Variants in AGO2 observed in about 807,000 individuals in gnomAD.
AGO2 encodes the protein protein argonaute-2.
Under a neutral mutation model 102.3 loss-of-function variants are expected in AGO2, and 5 were observed. That is an observed-to-expected ratio of 0.05 (90% CI 0.03 to 0.10). The LOEUF (loss-of-function observed/expected upper bound fraction) is 0.10, where lower values mean the gene tolerates loss of function less well. AGO2 is among the 10% of genes least tolerant of loss of function. The pLI, the probability that AGO2 is intolerant of heterozygous loss-of-function variation, is 1.00. For synonymous variants in AGO2, 449 were observed against 473.1 expected (o/e 0.95, Z 0.66); for missense variants, 541 against 1,183.7 (o/e 0.46, Z 7.97).
intron 1 of AGO2, among the ~76,000 whole-genome samples, chr8:140,621,637 T>C (rs922970996): frequency 6.6e-6 from 1 of 152,226 alleles, no homozygotes; most frequent in Admixed American, 6.5e-5. Flanking sequence ...CCAAGTATGC[T>C]GTACACTCTG....
intron 4 of AGO2, among the ~76,000 whole-genome samples, chr8:140,561,946 G>A (rs893153236): frequency 4.6e-5 from 7 of 152,176 alleles, no homozygotes; most frequent in Non-Finnish European, 1.0e-4. Flanking sequence ...CCCAGCAACC[G>A]GGCAGCTTGT....
chr8:140,537,331 T>C (rs1477495965), intron 16 of AGO2, among the ~76,000 whole-genome samples: 1 of 151,920 alleles, frequency 6.6e-6, no homozygotes, highest in Non-Finnish European at 1.5e-5. Flanking sequence ...CTTTTCTTTT[T>C]TTTTTTTTAA....
At position 140,526,078 on chromosome 8, in the gene AGO2, T is replaced by C. The variant is rs1049267969; in HGVS notation, c.*5966A>G. 1.3e-5 allele frequency: 2 copies of C among 152,064 alleles called. No individual in the cohort carries two copies. Among genetic ancestry groups the C allele is most frequent in the African/African-American group, 4.8e-5 (2 of 41,392 alleles). The allele number at this position is 152,064 out of a possible 1,614,324, so 9.4% of individuals were successfully genotyped here. ...AGTAGGGAGTGAGAGTAACCCGAGGTCCCAAAGTCAAAGGCCAATTACGTC... is the reference window on the plus strand; with the variant it reads ...AGTAGGGAGTGAGAGTAACCCGAGGCCCCAAAGTCAAAGGCCAATTACGTC... On this transcript the variant is annotated 3_prime_UTR_variant, in exon 19 of 19. Transcript: ENST00000220592. This position sits in a 1 kb window ranked among gnomAD's most constrained non-coding sequence, Gnocchi z 5.2.
In AGO2 at chr8:140,528,813, C is replaced by T. The variant is rs557505893; in HGVS notation, c.*3231G>A. The T allele has an allele frequency of 6.6e-6, 1 of 152,290 alleles. No individual in the cohort carries two copies. The highest frequency in any genetic ancestry group is 6.5e-5 in the Admixed American group (1 of 15,310). The allele number at this position is 152,290 out of a possible 1,614,324, so 9.4% of individuals were successfully genotyped here. On this transcript the variant is annotated 3_prime_UTR_variant, in exon 19 of 19. Transcript: ENST00000220592. This position sits in a 1 kb window ranked among gnomAD's most constrained non-coding sequence, Gnocchi z 4.5. Reference sequence around the variant, plus strand: ...GCTTAGGACACACAAAACAACAGGACGGTGGCTTTGCGTCACCGAAGGGCT... The same window carrying T: ...GCTTAGGACACACAAAACAACAGGATGGTGGCTTTGCGTCACCGAAGGGCT...
At chr8:140,596,514 C>T (rs940011986) in intron 1 of AGO2, among the ~76,000 whole-genome samples, 2 of 152,194 alleles carry the variant, frequency 1.3e-5, no homozygotes, top group African/African-American at 4.8e-5. Flanking sequence ...ACCCTGGAGG[C>T]GGAGGTTGCA....
In AGO2 at chr8:140,577,240, G is replaced by A. The variant is rs888099483; in HGVS notation, c.216-4308C>T. ...AAAAAAAAAAAAAAGAAACATGCCT[G>A]GGGAACGAAGCCAGCCACCAGGAGG... On this transcript the variant is annotated intron_variant, in intron 2 of 18. Coordinates refer to ENST00000220592, the MANE Select transcript of AGO2 (RefSeq NM_012154.5). Among the ~76,000 whole-genome samples, 6 of 147,680 alleles carry A rather than the reference G, an allele frequency of 4.1e-5. 1 individual carries two copies. The East Asian group carries it at 1.2e-3, about 29-fold the overall frequency.
In AGO2 at chr8:140,624,548, C is replaced by T. The variant is rs551506497; in HGVS notation, c.22+10937G>A. On this transcript the variant is annotated intron_variant, in intron 1 of 18. Coordinates refer to ENST00000220592, the MANE Select transcript of AGO2 (RefSeq NM_012154.5). ...ACCCAGGAGATGCAGCTGCGGGAGA[C>T]GGCAGCACTGAGCAGCCAGCGTCCC... Among the ~76,000 whole-genome samples the T allele has an allele frequency of 2.9e-3, 440 of 152,344 alleles. 5 individuals are homozygous for T. The highest frequency in any genetic ancestry group is 2.5e-3 in the Non-Finnish European group (169 of 68,026).
chr8:140,584,395 G>A (rs796087354), intron 2 of AGO2, among the ~76,000 whole-genome samples: 4 of 152,154 alleles, frequency 2.6e-5, no homozygotes, highest in East Asian at 1.9e-4. Context: ...GGAGGAAAAC[G>A]TGATGGGAGC....
chr8:140,630,270 G>A (rs900824955), intron 1 of AGO2, among the ~76,000 whole-genome samples: 3 of 152,174 alleles, frequency 2.0e-5, no homozygotes, highest in Non-Finnish European at 2.9e-5. Context: ...TGCTTTGCAC[G>A]GACAGTTCTT....
rs4058201 is a variant in AGO2 at position 140,568,287 on chromosome 8, G to GAA, written c.336+4523_336+4524dup. On this transcript the variant is annotated intron_variant, in intron 3 of 18. Coordinates refer to ENST00000220592, the MANE Select transcript of AGO2 (RefSeq NM_012154.5). Reference sequence around the variant, plus strand: ...TGACAGAGCGAGACCATGTCTGGGGGAAAAAAAAAAAAAGAGAGAGCACAA... The same window carrying GAA: ...TGACAGAGCGAGACCATGTCTGGGGGAAAAAAAAAAAAAAAGAGAGAGCACAA... Among the ~76,000 whole-genome samples the GAA allele has an allele frequency of 8.5e-4, 112 of 132,062 alleles. 1 individual carries two copies. Among genetic ancestry groups the GAA allele is most frequent in the Middle Eastern group, 3.9e-3 (1 of 256 alleles). The allele number at this position is 132,062 out of a possible 152,430, so 86.6% of individuals were successfully genotyped here.
At chr8:140,623,789 C>T (rs1466319646) in intron 1 of AGO2, among the ~76,000 whole-genome samples, 1 of 152,136 alleles carries the variant, frequency 6.6e-6, no homozygotes, top group Non-Finnish European at 1.5e-5. Context: ...TGCCACCGAG[C>T]CACAAACCAC....
chr8:140,590,289 C>G (rs1358547587), intron 1 of AGO2, among the ~76,000 whole-genome samples: 3 of 152,196 alleles, frequency 2.0e-5, no homozygotes, highest in Admixed American at 2.0e-4. Context: ...CTGGAGCCCC[C>G]CAGATCTGTG....
chr8:140,552,094 C>T (rs1309656555), intron 10 of AGO2, among the ~76,000 whole-genome samples: 1 of 152,164 alleles, frequency 6.6e-6, no homozygotes, highest in Non-Finnish European at 1.5e-5. Flanking sequence ...TGCCATGCTA[C>T]AGGCCTTGCC....
In AGO2 at chr8:140,547,676, G is replaced by A. The variant is rs762312244; in HGVS notation, c.1589-49C>T. On this transcript the variant is annotated intron_variant, in intron 12 of 18. Coordinates refer to ENST00000220592, the MANE Select transcript of AGO2 (RefSeq NM_012154.5). ...CAGCTCTGCCGGCGCCCCTTCCTCA[G>A]CTGGCCCCGAGAGCAGCAGCTGCCA... 8 of 1,569,436 alleles carry A rather than the reference G, an allele frequency of 5.1e-6. No individual in the cohort carries two copies. In the South Asian group the frequency reaches 7.0e-5, roughly 14 times the overall value.
chr8:140,564,213 C>T (rs2073245274), intron 3 of AGO2, among the ~76,000 whole-genome samples: 1 of 152,044 alleles, frequency 6.6e-6, no homozygotes, highest in Admixed American at 6.6e-5. Flanking sequence ...GAGCCATACG[C>T]ACAGGGGATG....
chr8:140,548,972 ACC>A, intron 12 of AGO2, 140 bp downstream of exon 12: 1 of 1,034,898 alleles, frequency 9.7e-7, no homozygotes, highest in Non-Finnish European at 1.4e-6. Context: ...ATGACAAGCC[ACC>A]TCTTCTTCCT....
In AGO2 at chr8:140,532,493, G is replaced by A; in HGVS notation, c.2394C>T (p.Ser798=). The A allele has an allele frequency of 1.2e-6, 2 of 1,614,282 alleles. No homozygotes were observed. Among genetic ancestry groups the A allele is most frequent in the South Asian group, 1.1e-5 (1 of 91,088 alleles). Residue 798 remains serine, a synonymous_variant, in exon 18 of 19, where the codon TCC becomes TCT. Transcript: ENST00000220592. The part of the protein sequence containing the change: ...HTYVRCTRSV[S]IPAPAYYAHL... ...GAGCGTAGTATGCTGGCGCTGGGAT[G>A]GACACGGAGCGTGTGCAGCGCACGT... is the stretch of plus-strand genomic sequence containing the variant.
chr8:140,611,842 C>T (rs768582058), intron 1 of AGO2, among the ~76,000 whole-genome samples: 1 of 152,128 alleles, frequency 6.6e-6, no homozygotes, highest in Non-Finnish European at 1.5e-5. Flanking sequence ...CTGTTGCAAT[C>T]GTAAAATTCA....
At chr8:140,579,025 C>T (rs144098381) in intron 2 of AGO2, among the ~76,000 whole-genome samples, 1 of 152,226 alleles carries the variant, frequency 6.6e-6, no homozygotes, top group East Asian at 1.9e-4. Context: ...GCTAAAAGTC[C>T]CAGCCTGGGC....
Sources: allele counts gnomAD v4.1 joint callset (sites outside exome capture counted in the v4.1 genomes callset), GRCh38; gene constraint gnomAD v4.1.1; non-coding constraint Gnocchi (gnomAD v3.1); transcripts MANE v1.5; gene names NCBI Gene and HGNC (gene_info 2026-07-23, HGNC 2026-07-21).